Variants in SLC35D4 observed in about 807,000 individuals in gnomAD.
The protein encoded by SLC35D4 is solute carrier family 35 member D4.
chr18:23,315,869 C>T, the SLC35D4 span, among the ~76,000 whole-genome samples: 1 of 152,208 alleles, frequency 6.6e-6, no homozygotes, highest in Admixed American at 6.5e-5. Flanking sequence ...CACTCAGGAA[C>T]TTCATGGTTG....
the SLC35D4 span, among the ~76,000 whole-genome samples, chr18:23,317,182 C>CACACA: frequency 6.9e-6 from 1 of 144,274 alleles, no homozygotes; most frequent in Non-Finnish European, 1.6e-5. Context: ...CACACACACA[C>CACACA]CCCACTAATA....
chr18:23,274,895 G>T, the SLC35D4 span, among the ~76,000 whole-genome samples: 2 of 152,190 alleles, frequency 1.3e-5, no homozygotes, highest in African/African-American at 4.8e-5. Context: ...TGCGGCAGGC[G>T]TGTGAATGCG....
At chr18:23,338,215 C>T in the SLC35D4 span, among the ~76,000 whole-genome samples, 1 of 152,206 alleles carries the variant, frequency 6.6e-6, no homozygotes, top group South Asian at 2.1e-4. Context: ...TCAATTGCTT[C>T]TTCTGTGAGA....
At chr18:23,386,871 G>T in the SLC35D4 span, among the ~76,000 whole-genome samples, 111 of 152,266 alleles carry the variant, frequency 7.3e-4, no homozygotes, top group African/African-American at 2.6e-3. Context: ...GACAAGGTGA[G>T]GGGGGAGAAT....
At chr18:23,254,994 A>ATAGGTAAGGCAGGGTT in the SLC35D4 span, among the ~76,000 whole-genome samples, 1 of 152,158 alleles carries the variant, frequency 6.6e-6, no homozygotes, top group East Asian at 1.9e-4. Context: ...ACAGAAAGGA[A>ATAGGTAAGGCAGGGTT]TAGGTAAGGC....
chr18:23,345,732 C>G, the SLC35D4 span, among the ~76,000 whole-genome samples: 2 of 151,184 alleles, frequency 1.3e-5, no homozygotes, highest in African/African-American at 4.9e-5. Flanking sequence ...AAAAAAAAAG[C>G]CTGCTGGGAT....
At chr18:23,293,787 A>T in the SLC35D4 span, among the ~76,000 whole-genome samples, 1 of 152,086 alleles carries the variant, frequency 6.6e-6, no homozygotes, top group Non-Finnish European at 1.5e-5. Flanking sequence ...TAAACAATTT[A>T]TTTTTCTTTT....
the SLC35D4 span, among the ~76,000 whole-genome samples, chr18:23,263,485 C>G: frequency 1.3e-5 from 2 of 152,228 alleles, no homozygotes; most frequent in Non-Finnish European, 2.9e-5. Context: ...GGAAAACTTG[C>G]TTCCATAACA....
the SLC35D4 span, among the ~76,000 whole-genome samples, chr18:23,392,700 C>T: frequency 6.6e-6 from 1 of 152,220 alleles, no homozygotes; most frequent in South Asian, 2.1e-4. Context: ...GGCATTAACG[C>T]ATGGGTGGGA....
At chr18:23,387,912 A>G in the SLC35D4 span, among the ~76,000 whole-genome samples, 1 of 152,190 alleles carries the variant, frequency 6.6e-6, no homozygotes, top group East Asian at 1.9e-4. Context: ...TAAAGAGATT[A>G]CATATTTTAA....
the SLC35D4 span, chr18:23,356,504 T>G: frequency 5.4e-5 from 71 of 1,315,176 alleles, no homozygotes; most frequent in Non-Finnish European, 7.5e-5. The surrounding 1 kb of genome is among the most constrained non-coding windows in gnomAD (Gnocchi z 4.1). Flanking sequence ...TGCCACTCAC[T>G]CAGGTCACTA....
chr18:23,323,225 G>A, the SLC35D4 span, among the ~76,000 whole-genome samples: 1 of 152,358 alleles, frequency 6.6e-6, no homozygotes, highest in Non-Finnish European at 1.5e-5. Flanking sequence ...CCAAGGCTGT[G>A]AGGATTTGTT....
the SLC35D4 span, among the ~76,000 whole-genome samples, chr18:23,333,151 A>G: frequency 6.6e-6 from 1 of 152,250 alleles, no homozygotes; most frequent in Non-Finnish European, 1.5e-5. Flanking sequence ...CTTAGAGTAA[A>G]CATTCTTAAA....
chr18:23,392,737 G>A, the SLC35D4 span, among the ~76,000 whole-genome samples: 1 of 152,278 alleles, frequency 6.6e-6, no homozygotes, highest in South Asian at 2.1e-4. Flanking sequence ...CCTGCTCTCA[G>A]GGAATGGCTG....
At chr18:23,406,902 T>G in the SLC35D4 span, among the ~76,000 whole-genome samples, 1 of 152,212 alleles carries the variant, frequency 6.6e-6, no homozygotes, top group South Asian at 2.1e-4. Context: ...CCTCCCAGGC[T>G]CAAGTAATTC....
chr18:23,254,037 A>G, the SLC35D4 span: 2 of 957,416 alleles, frequency 2.1e-6, no homozygotes, highest in Non-Finnish European at 3.3e-6. Flanking sequence ...AAGGATTCTG[A>G]TCCTTAGTCA....
At chr18:23,374,428 G>A in the SLC35D4 span, among the ~76,000 whole-genome samples, 1 of 149,540 alleles carries the variant, frequency 6.7e-6, no homozygotes, top group Non-Finnish European at 1.5e-5. Context: ...GGCAATGAAA[G>A]ACAATAAAAA....
chr18:23,414,568 G>A, the SLC35D4 span, among the ~76,000 whole-genome samples: 4 of 151,850 alleles, frequency 2.6e-5, no homozygotes, highest in African/African-American at 9.7e-5. Context: ...AGCTTCCCGG[G>A]GGGCTGAGGC....
chr18:23,361,160 A>G, the SLC35D4 span, among the ~76,000 whole-genome samples: 9 of 152,014 alleles, frequency 5.9e-5, no homozygotes, highest in East Asian at 1.7e-3. Context: ...AGGGGTAAGA[A>G]GAAACCAAAA....
Sources: gnomAD v4.1 joint callset for allele counts (sites outside exome capture counted in the v4.1 genomes callset) on GRCh38, gnomAD v4.1.1 for gene constraint, Gnocchi (gnomAD v3.1) non-coding constraint, MANE v1.5 for transcripts, NCBI Gene and HGNC (gene_info 2026-07-23, HGNC 2026-07-21) for gene names.